The following HEATR5B variants were observed in gnomAD, a reference collection of about 807,000 sequenced individuals.
HEATR5B encodes HEAT repeat-containing protein 5B.
Under a neutral mutation model 224.1 loss-of-function variants are expected in HEATR5B, and 156 were observed. The ratio of observed to expected loss-of-function variants is 0.70; its 90% CI spans 0.61 to 0.80. The LOEUF (loss-of-function observed/expected upper bound fraction) is 0.80, where lower values mean the gene tolerates loss of function less well. Ranked by LOEUF, HEATR5B falls within the 30% of genes least tolerant of loss-of-function variation. The pLI is 0.00. For synonymous variants in HEATR5B, 1,027 were observed against 893.0 expected (o/e 1.15, Z -2.68); for missense variants, 2,323 against 2,535.5 (o/e 0.92, Z 1.80).
At chr2:37,059,585 T>G (rs1258720584) in intron 12 of HEATR5B, among the ~76,000 whole-genome samples, 1 of 149,562 alleles carries the variant, frequency 6.7e-6, no homozygotes, top group Non-Finnish European at 1.5e-5. Context: ...TGACTCAATC[T>G]CCTGAGTAGC....
chr2:37,068,132 A>T (rs1671695855), intron 8 of HEATR5B, among the ~76,000 whole-genome samples: 1 of 152,170 alleles, frequency 6.6e-6, no homozygotes, highest in African/African-American at 2.4e-5. Context: ...TTAAACCCTG[A>T]ATTACTGCTC....
chr2:37,063,286 G>A (rs1387981356), intron 10 of HEATR5B, among the ~76,000 whole-genome samples: 2 of 152,094 alleles, frequency 1.3e-5, no homozygotes, highest in African/African-American at 4.8e-5. Flanking sequence ...TGAATAAGAG[G>A]GGAGATGAAA....
At chr2:37,076,654 G>GAAA (rs11464053) in intron 4 of HEATR5B, among the ~76,000 whole-genome samples, 2 of 144,088 alleles carry the variant, frequency 1.4e-5, no homozygotes, top group African/African-American at 2.6e-5. Flanking sequence ...CCAAAAAAAA[G>GAAA]AAAAAAAAAA....
At chr2:37,046,386 C>T (rs1004361020) in intron 18 of HEATR5B, among the ~76,000 whole-genome samples, 2 of 152,134 alleles carry the variant, frequency 1.3e-5, no homozygotes, top group African/African-American at 2.4e-5. Context: ...TGTCTGTAAT[C>T]GCAGCATTTT....
At chr2:37,057,631 T>C (rs1040724004) in intron 14 of HEATR5B, 151 bp from the exon 15 acceptor site, 3 of 551,756 alleles carry the variant, frequency 5.4e-6, no homozygotes, top group African/African-American at 3.9e-5. Flanking sequence ...TAAATGCTGG[T>C]TTTAATATAC....
rs1367841251 is a variant in HEATR5B, at chr2:37,018,030, TAACA to T, written c.4104+1775_4104+1778del. On this transcript the variant is annotated intron_variant, in intron 26 of 35. Coordinates refer to ENST00000233099, the MANE Select transcript of HEATR5B (RefSeq NM_019024.3). ...AAGTTTCTTAACATGGCATTTGTTCTAACAAACAGGCTGGGATATCATTAAGCCA... is the reference window on the plus strand; with the variant it reads ...AAGTTTCTTAACATGGCATTTGTTCTAACAGGCTGGGATATCATTAAGCCA... Among the ~76,000 whole-genome samples the T allele has an allele frequency of 5.9e-5, 9 of 151,332 alleles. No homozygotes were observed. In the East Asian group the frequency reaches 1.5e-3, roughly 26 times the overall value.
chr2:36,995,690 T>C (rs1666654057), intron 33 of HEATR5B, among the ~76,000 whole-genome samples: 1 of 152,216 alleles, frequency 6.6e-6, no homozygotes, highest in Non-Finnish European at 1.5e-5. Context: ...CGGGTCTGGG[T>C]TAATTTATAT....
chr2:36,983,921 G>A (rs954696832), intron 35 of HEATR5B, among the ~76,000 whole-genome samples: 1 of 151,468 alleles, frequency 6.6e-6, no homozygotes, highest in African/African-American at 2.4e-5. Context: ...ACTGGAGGCC[G>A]GACGCAGTGG....
At position 37,014,137 on chromosome 2, in the gene HEATR5B, T is replaced by A. The variant is rs1308525941; in HGVS notation, c.4105-117A>T. The A allele has an allele frequency of 1.3e-5, 7 of 524,118 alleles. No individual in the cohort carries two copies. The East Asian group carries it at 2.2e-4, about 17-fold the overall frequency. The allele number at this position is 524,118 out of a possible 1,614,324, so 32.5% of individuals were successfully genotyped here. On this transcript the variant is annotated intron_variant, in intron 26 of 35. Transcript: ENST00000233099. ...CACAAAACCAAAGAACAAAACAAAA[T>A]AAACTACCCAATGCTATGCTTTGAT...
intron 9 of HEATR5B, 113 bp from the exon 10 acceptor site, chr2:37,065,103 T>G: frequency 9.4e-7 from 1 of 1,059,980 alleles, no homozygotes; most frequent in Non-Finnish European, 1.4e-6. Flanking sequence ...CTTTCACACA[T>G]ATAGATCCAC....
In HEATR5B at chr2:37,007,195, A is replaced by G; in HGVS notation, c.4632T>C (p.Phe1544=). ...CTGCTTCTGTAGACTCTGAGCACGT[A>G]AATCCTGTGCTATTTAACCAAAGTG... ...AVALWLNSTG[F]TCSESTEAAA... The change falls in exon 29 of 36, where the codon TTT becomes TTC. Residue 1544 remains phenylalanine, a synonymous_variant. Transcript: ENST00000233099. 6.2e-7 allele frequency: 1 copy of G among 1,614,156 alleles called. No homozygotes were observed. The highest frequency in any genetic ancestry group is 1.3e-5 in the African/African-American group (1 of 75,046).
At chr2:36,995,916 T>C (rs981253735) in intron 33 of HEATR5B, among the ~76,000 whole-genome samples, 1 of 152,122 alleles carries the variant, frequency 6.6e-6, no homozygotes, top group Non-Finnish European at 1.5e-5. Context: ...GACAGGGTCT[T>C]GCTTTTTTGC....
intron 7 of HEATR5B, among the ~76,000 whole-genome samples, chr2:37,069,722 T>C (rs1474262545): frequency 6.6e-6 from 1 of 152,218 alleles, no homozygotes; most frequent in African/African-American, 2.4e-5. Context: ...GGCTTATTTA[T>C]ATATTATTAA....
chr2:37,011,115 T>C (rs541487339), intron 27 of HEATR5B, among the ~76,000 whole-genome samples: 1 of 152,200 alleles, frequency 6.6e-6, no homozygotes, highest in Non-Finnish European at 1.5e-5. Context: ...TGGTACCTAA[T>C]GAACACTCGG....
At chr2:37,041,407 C>A in intron 18 of HEATR5B, 115 bp from the exon 19 acceptor site, 1 of 938,902 alleles carries the variant, frequency 1.1e-6, no homozygotes, top group South Asian at 1.7e-5. Flanking sequence ...AGATTATAAT[C>A]AGTTACTTCT....
intron 5 of HEATR5B, 82 bp downstream of exon 5, chr2:37,075,403 A>T: frequency 9.9e-7 from 1 of 1,013,438 alleles, no homozygotes; most frequent in Non-Finnish European, 1.3e-6. Flanking sequence ...CATAATTTAA[A>T]ATTTTAAAAG....
At chr2:36,999,706 T>C (rs1009195121) in intron 33 of HEATR5B, among the ~76,000 whole-genome samples, 3 of 150,994 alleles carry the variant, frequency 2.0e-5, no homozygotes, top group African/African-American at 4.9e-5. Flanking sequence ...GAGAGAGATA[T>C]ACATGTATAT....
chr2:37,079,043 TG>T, intron 3 of HEATR5B, 76 bp downstream of exon 3: 1 of 835,400 alleles, frequency 1.2e-6, no homozygotes, highest in Non-Finnish European at 1.8e-6. Context: ...GGGGTTTTTA[TG>T]GTCCATAGTC....
At chr2:37,008,942 G>C (rs1667607654) in intron 27 of HEATR5B, 94 bp from the exon 28 acceptor site, 1 of 851,476 alleles carries the variant, frequency 1.2e-6, no homozygotes, top group Non-Finnish European at 1.9e-6. Context: ...AATCATCAAA[G>C]ATAACTGGGT....
Sources: gnomAD v4.1 joint callset for allele counts (sites outside exome capture counted in the v4.1 genomes callset) on GRCh38, gnomAD v4.1.1 for gene constraint, MANE v1.5 for transcripts, NCBI Gene and HGNC (gene_info 2026-07-23, HGNC 2026-07-21) for gene names.